Variants in EFCAB8 observed in about 807,000 individuals in gnomAD.
The protein encoded by EFCAB8 is EF-hand calcium binding domain 8.
EFCAB8 carries 100 observed loss-of-function variants against 116.3 expected under a neutral mutation model. The observed-to-expected ratio is 0.86, with a 90% CI of 0.73 to 1.02. The LOEUF (loss-of-function observed/expected upper bound fraction) is 1.02, where lower values mean the gene tolerates loss of function less well. EFCAB8 is among the 50% of genes least tolerant of loss of function. The pLI is 0.00. For synonymous variants in EFCAB8, 558 were observed against 567.9 expected, an observed-to-expected ratio of 0.98 and a Z score of 0.25; for missense variants, 1,320 against 1,416.9, an observed-to-expected ratio of 0.93 and a Z score of 1.10.
intron 20 of EFCAB8, among the ~76,000 whole-genome samples, chr20:32,928,200 A>T (rs947415742): frequency 6.6e-6 from 1 of 151,082 alleles, no homozygotes; most frequent in Admixed American, 6.6e-5. Context: ...TCCTTTTCAG[A>T]TTGTTCAACG....
chr20:32,887,874 A>G (rs1185133303), intron 6 of EFCAB8, among the ~76,000 whole-genome samples: 1 of 152,138 alleles, frequency 6.6e-6, no homozygotes, highest in African/African-American at 2.4e-5. Flanking sequence ...TTGCAGAACA[A>G]ATTATCGGTT....
At chr20:32,861,339 A>G (rs1174722984) in intron 1 of EFCAB8, among the ~76,000 whole-genome samples, 1 of 152,144 alleles carries the variant, frequency 6.6e-6, no homozygotes, top group African/African-American at 2.4e-5. Context: ...CCCAGGCTGG[A>G]GTGCAATGGC....
At chr20:32,863,009 CA>C (rs1308330888) in intron 1 of EFCAB8, among the ~76,000 whole-genome samples, 1 of 94,668 alleles carries the variant, frequency 1.1e-5, no homozygotes, top group Non-Finnish European at 2.4e-5. Context: ...TTTTTGCTGC[CA>C]ATTTTTTTTT....
At chr20:32,894,619 T>C (rs6058944) in intron 9 of EFCAB8, among the ~76,000 whole-genome samples, 103,056 of 152,064 alleles carry the variant, frequency 0.68, 35,736 homozygotes, top group Middle Eastern at 0.82. Flanking sequence ...TGGGAGGAGA[T>C]GGACAGACCC....
At chr20:32,895,093 C>T (rs1258821109) in intron 9 of EFCAB8, among the ~76,000 whole-genome samples, 1 of 152,226 alleles carries the variant, frequency 6.6e-6, no homozygotes, top group Non-Finnish European at 1.5e-5. Context: ...ACTGCCCCAG[C>T]ATTTGTGACC....
chr20:32,958,912 T>A (rs1416798268), intron 24 of EFCAB8, among the ~76,000 whole-genome samples: 1 of 152,136 alleles, frequency 6.6e-6, no homozygotes, highest in Non-Finnish European at 1.5e-5. Flanking sequence ...AGAGGAGTGC[T>A]CAGGCCCAGG....
intron 9 of EFCAB8, among the ~76,000 whole-genome samples, chr20:32,895,104 G>A (rs554472763): frequency 7.2e-5 from 11 of 152,266 alleles, no homozygotes; most frequent in African/African-American, 1.2e-4. Context: ...ATTTGTGACC[G>A]CCTCCTTAAA....
At position 32,951,953 on chromosome 20, in the gene EFCAB8, T is replaced by C. The variant is rs548361473; in HGVS notation, c.2960-6468T>C. Among the ~76,000 whole-genome samples, 16 of 152,308 alleles carry C rather than the reference T, an allele frequency of 1.1e-4. No homozygotes were observed. The East Asian group carries it at 2.7e-3, about 26-fold the overall frequency. ...TACTGTGGCTTGTGTTTACATTCTC[T>C]TCATAGTGCATTTTGAAGATCAGTG... is the stretch of plus-strand genomic sequence containing the variant. On this transcript the variant is annotated intron_variant, in intron 23 of 26. Coordinates refer to ENST00000400522, the MANE Select transcript of EFCAB8 (RefSeq NM_001143967.2).
intron 10 of EFCAB8, among the ~76,000 whole-genome samples, chr20:32,897,105 G>A (rs937967596): frequency 6.6e-6 from 1 of 152,072 alleles, no homozygotes; most frequent in Non-Finnish European, 1.5e-5. Context: ...TTCAGGCCGC[G>A]GGGCTCTCCC....
Position 32,859,941 on chromosome 20 carries a change from C to G in EFCAB8, c.-11+935C>G, listed in dbSNP as rs138761608. On this transcript the variant is annotated intron_variant, in intron 1 of 26. Transcript: ENST00000400522. ...GATTCAATTCAGAATCGTGCATTGC[C>G]TTTAGTTGTTGGGTCTCTTGAGTCA... Among the ~76,000 whole-genome samples, 24 of 152,300 alleles carry G rather than the reference C, an allele frequency of 1.6e-4. No individual in the cohort carries two copies. The East Asian group carries it at 4.2e-3, about 27-fold the overall frequency.
rs1600476055 is a variant in EFCAB8 at position 32,960,121 on chromosome 20, T to C, written c.3353T>C (p.Phe1118Ser). Reference sequence around the variant, plus strand: ...AAGGAACGCTTGCAGAATACCAGGTTCCTGTCCACCAGGGTGCCATATGGC... The same window carrying C: ...AAGGAACGCTTGCAGAATACCAGGTCCCTGTCCACCAGGGTGCCATATGGC... ...KPKERLQNTR[F>S]LSTRVPYGWM... Residue 1118 changes from phenylalanine to serine, a missense_variant, in exon 26 of 27, where the codon TTC becomes TCC. By Grantham distance (155) the Phe-to-Ser change is radical. Coordinates refer to ENST00000400522, the MANE Select transcript of EFCAB8 (RefSeq NM_001143967.2). 6.4e-7 allele frequency: 1 copy of C among 1,551,698 alleles called. No homozygotes were observed. The highest frequency in any genetic ancestry group is 1.7e-4 in the Middle Eastern group (1 of 5,992).
intron 1 of EFCAB8, among the ~76,000 whole-genome samples, chr20:32,862,165 C>G (rs1415178771): frequency 6.7e-6 from 1 of 149,644 alleles, no homozygotes; most frequent in East Asian, 1.9e-4. Context: ...GGGTCTCACT[C>G]TGTCATCCAG....
chr20:32,908,185 C>T lies in EFCAB8; in HGVS notation c.1309-90C>T, dbSNP rs1986765719. On this transcript the variant is annotated intron_variant, in intron 13 of 26. Transcript: ENST00000400522. ...GCTTGGACGGACGATGTGCCCTGGC[C>T]TTGTTCGCCGGAGGCACCCCCGAGG... The T allele has an allele frequency of 5.8e-6, 7 of 1,206,472 alleles. No individual in the cohort carries two copies. The South Asian group carries it at 3.0e-4, about 52-fold the overall frequency. 74.7% of individuals were successfully genotyped at this position (1,206,472 alleles called of 1,614,324 possible). A position where few individuals can be genotyped will look rare whatever the true frequency, so the allele number is the denominator to read the frequency against.
chr20:32,891,160 A>G (rs954727019), intron 7 of EFCAB8, among the ~76,000 whole-genome samples: 3 of 152,138 alleles, frequency 2.0e-5, no homozygotes, highest in Non-Finnish European at 4.4e-5. Flanking sequence ...CCCAGGCTGG[A>G]GTGCAGTGGC....
intron 20 of EFCAB8, among the ~76,000 whole-genome samples, chr20:32,921,391 G>GTGTGTGT (rs58219086): frequency 5.5e-4 from 82 of 149,388 alleles, no homozygotes; most frequent in African/African-American, 2.0e-3. Context: ...GTGTGTGTGT[G>GTGTGTGT]TTTTTGTAGA....
intron 8 of EFCAB8, among the ~76,000 whole-genome samples, chr20:32,892,664 A>AG (rs1414255099): frequency 6.6e-6 from 1 of 152,006 alleles, no homozygotes; most frequent in East Asian, 1.9e-4. Context: ...TTGAGAAAAA[A>AG]GTTGAATTCT....
chr20:32,956,175 T>C (rs1988959146), intron 23 of EFCAB8, among the ~76,000 whole-genome samples: 1 of 152,148 alleles, frequency 6.6e-6, no homozygotes, highest in African/African-American at 2.4e-5. Context: ...TTATATGTAT[T>C]CTTGACCTAG....
At position 32,960,064 on chromosome 20, in the gene EFCAB8, T is replaced by C. The variant is rs957276775; in HGVS notation, c.3296T>C (p.Val1099Ala). The C allele has an allele frequency of 3.2e-6, 5 of 1,551,538 alleles. No individual in the cohort carries two copies. The African/African-American group carries it at 6.8e-5, about 21-fold the overall frequency. ...CATTCTTGGGCGTGGCTCCTGCAGG[T>C]GAGCAAAGTCTTGGGAGCGGCGTAT... ...WNKWESRDKQ[V>A]SKVLGAAYKP... is the part of the protein sequence containing the mutation. The change falls in exon 26 of 27, where the codon GTG becomes GCG. Residue 1099 changes from valine to alanine, a missense_variant and splice_region_variant. Coordinates refer to ENST00000400522, the MANE Select transcript of EFCAB8 (RefSeq NM_001143967.2).
chr20:32,948,178 A>G (rs989444342), intron 23 of EFCAB8, among the ~76,000 whole-genome samples: 3 of 152,182 alleles, frequency 2.0e-5, no homozygotes, highest in African/African-American at 7.2e-5. Flanking sequence ...ACAGATATTA[A>G]AAGGATAACA....
Sources: allele counts gnomAD v4.1 joint callset (sites outside exome capture counted in the v4.1 genomes callset), GRCh38; gene constraint gnomAD v4.1.1; transcripts MANE v1.5; gene names NCBI Gene and HGNC (gene_info 2026-07-23, HGNC 2026-07-21).